TWSG1: variants seen among roughly 807,000 people sequenced by gnomAD.
TWSG1 encodes the protein twisted gastrulation BMP signaling modulator 1, also known as twisted gastrulation protein homolog 1.
In TWSG1, 15 loss-of-function variants were observed where a neutral mutation model predicts 23.0. The ratio of observed to expected loss-of-function variants is 0.65; its 90% CI spans 0.44 to 1.00. The LOEUF (loss-of-function observed/expected upper bound fraction) is 1.00, where lower values mean the gene tolerates loss of function less well. TWSG1 is among the 50% of genes least tolerant of loss of function. The pLI is 0.00. For synonymous variants in TWSG1, 86 were observed against 92.8 expected (o/e 0.93, Z 0.42); for missense variants, 242 against 278.7 (o/e 0.87, Z 0.94).
intron 4 of TWSG1, 28 bp from the exon 5 acceptor site, chr18:9,399,318 C>T: frequency 2.7e-6 from 4 of 1,507,232 alleles, no homozygotes; most frequent in South Asian, 1.3e-5. Flanking sequence ...TCTTTCTTGC[C>T]CTGAAATCTT....
rs888281892 is a variant in TWSG1 at position 9,357,847 on chromosome 18, G to T, written c.124-2125G>T. ...AAGGAGGAGGAGCAGGGAAGGGGGG[G>T]GATGGGGATGATGATGATTTAAGAT... On this transcript the variant is annotated intron_variant, in intron 2 of 4. Transcript: ENST00000262120. Among the ~76,000 whole-genome samples the T allele has an allele frequency of 4.6e-4, 70 of 151,978 alleles. 1 individual carries two copies. Among genetic ancestry groups the T allele is most frequent in the African/African-American group, 1.6e-3 (65 of 41,462 alleles).
intron 4 of TWSG1, 158 bp downstream of exon 4, chr18:9,396,704 A>G: frequency 2.3e-6 from 2 of 886,164 alleles, no homozygotes; most frequent in African/African-American, 1.7e-5. Context: ...TGATCCCATC[A>G]TATCTAGAGG....
intron 2 of TWSG1, among the ~76,000 whole-genome samples, chr18:9,355,010 C>T (rs1391015466): frequency 6.6e-6 from 1 of 151,752 alleles, no homozygotes; most frequent in African/African-American, 2.4e-5. Context: ...GGCTGGAGTG[C>T]AGTGGCCCCA....
Position 9,396,500 on chromosome 18 carries a change from G to T in TWSG1, c.444G>T (p.Val148=), listed in dbSNP as rs376048773. The change falls in exon 4 of 5, where the codon GTG becomes GTT. Residue 148 remains valine, a synonymous_variant. Coordinates refer to ENST00000262120, the MANE Select transcript of TWSG1 (RefSeq NM_020648.6). ...TGAACCAGCCACACCACCAGAATGT[G>T]TCTGTCCCCAGCAATAATGTTCACG... ...ETVNQPHHQN[V]SVPSNNVHAP... 6.2e-7 allele frequency: 1 copy of T among 1,613,842 alleles called. No homozygotes were observed. Among genetic ancestry groups the T allele is most frequent in the Non-Finnish European group, 8.5e-7 (1 of 1,180,042 alleles).
At chr18:9,348,585 C>T (rs1343009297) in intron 2 of TWSG1, among the ~76,000 whole-genome samples, 1 of 152,170 alleles carries the variant, frequency 6.6e-6, no homozygotes, top group Non-Finnish European at 1.5e-5. Flanking sequence ...TTCCAACATA[C>T]TGAGTTATTA....
At chr18:9,347,267 G>A (rs989734693) in intron 2 of TWSG1, among the ~76,000 whole-genome samples, 3 of 152,124 alleles carry the variant, frequency 2.0e-5, no homozygotes, top group Admixed American at 2.0e-4. Context: ...CCTAGTCTAT[G>A]GCTTGTCATC....
rs190820763 is a variant in TWSG1, at chr18:9,342,743, T to C, written c.123+5391T>C. On this transcript the variant is annotated intron_variant, in intron 2 of 4. Coordinates refer to ENST00000262120, the MANE Select transcript of TWSG1 (RefSeq NM_020648.6). Reference sequence around the variant, plus strand: ...CATTACTTTCCCAAGTTGGTTCCAGTGTTTCTTGGATTTCGTATCTTGTTG... The same window carrying C: ...CATTACTTTCCCAAGTTGGTTCCAGCGTTTCTTGGATTTCGTATCTTGTTG... Among the ~76,000 whole-genome samples the C allele has an allele frequency of 2.3e-3, 347 of 152,344 alleles. 2 individuals carry two copies. The highest frequency in any genetic ancestry group is 8.0e-3 in the African/African-American group (332 of 41,578).
chr18:9,388,164 C>A (rs1481468391), intron 3 of TWSG1: 1 of 152,158 alleles, frequency 6.6e-6, no homozygotes. Flanking sequence ...TGTTCCTCTG[C>A]CCCTCTGTAT....
At chr18:9,397,383 A>G (rs2040742230) in intron 4 of TWSG1, among the ~76,000 whole-genome samples, 1 of 152,178 alleles carries the variant, frequency 6.6e-6, no homozygotes, top group Admixed American at 6.5e-5. Context: ...GCATAAACTA[A>G]CCCCAGCCAG....
intron 2 of TWSG1, among the ~76,000 whole-genome samples, chr18:9,344,953 C>T (rs1355605546): frequency 6.6e-6 from 1 of 152,064 alleles, no homozygotes; most frequent in African/African-American, 2.4e-5. Flanking sequence ...GATGGGGGGT[C>T]TCACTGTATT....
chr18:9,337,029 A>C (rs901033823), intron 1 of TWSG1, among the ~76,000 whole-genome samples, 164 bp from the exon 2 acceptor site: 5 of 152,184 alleles, frequency 3.3e-5, no homozygotes, highest in Admixed American at 3.3e-4. Flanking sequence ...AGCTATGATC[A>C]CACCACTGTA....
At chr18:9,357,174 C>G (rs1489496469) in intron 2 of TWSG1, among the ~76,000 whole-genome samples, 1 of 152,156 alleles carries the variant, frequency 6.6e-6, no homozygotes. Context: ...CTCATTAAGT[C>G]TCTGCCCTTT....
chr18:9,357,231 T>C (rs1162574556), intron 2 of TWSG1, among the ~76,000 whole-genome samples: 1 of 152,198 alleles, frequency 6.6e-6, no homozygotes, highest in African/African-American at 2.4e-5. Context: ...CTAATGTCTA[T>C]GTCACATGAA....
At chr18:9,377,236 G>A (rs1289186888) in intron 3 of TWSG1, among the ~76,000 whole-genome samples, 2 of 151,336 alleles carry the variant, frequency 1.3e-5, no homozygotes, top group Non-Finnish European at 2.9e-5. Context: ...TTTTTTTTGG[G>A]GGGACAGAGT....
intron 2 of TWSG1, among the ~76,000 whole-genome samples, chr18:9,349,847 G>T (rs1325518528): frequency 6.6e-6 from 1 of 152,066 alleles, no homozygotes; most frequent in African/African-American, 2.4e-5. Context: ...GCTCTTAAAA[G>T]TTGTGGTGCC....
intron 2 of TWSG1, among the ~76,000 whole-genome samples, chr18:9,343,426 G>A (rs1443090976): frequency 2.0e-5 from 3 of 151,504 alleles, no homozygotes; most frequent in Non-Finnish European, 4.4e-5. Flanking sequence ...GTTTTATTGA[G>A]ATATATGATT....
chr18:9,335,861 C>T (rs1319578615), intron 1 of TWSG1, among the ~76,000 whole-genome samples: 1 of 152,080 alleles, frequency 6.6e-6, no homozygotes, highest in Non-Finnish European at 1.5e-5. Flanking sequence ...ATCATAAATG[C>T]CCCCATAAAC....
At chr18:9,365,658 C>T (rs2040575214) in intron 3 of TWSG1, among the ~76,000 whole-genome samples, 1 of 151,026 alleles carries the variant, frequency 6.6e-6, no homozygotes. Context: ...GCCTAGGCGG[C>T]AGAGTGAGAC....
chr18:9,374,574 G>A (rs2040620326), intron 3 of TWSG1, among the ~76,000 whole-genome samples: 1 of 152,110 alleles, frequency 6.6e-6, no homozygotes, highest in African/African-American at 2.4e-5. Flanking sequence ...GACCCAATGG[G>A]TTTACTGGTA....
Sources: allele counts gnomAD v4.1 joint callset (sites outside exome capture counted in the v4.1 genomes callset), GRCh38; gene constraint gnomAD v4.1.1; transcripts MANE v1.5; gene names NCBI Gene and HGNC (gene_info 2026-07-23, HGNC 2026-07-21).